ATP8A2: variants seen among roughly 807,000 people sequenced by gnomAD.
ATP8A2 encodes the protein phospholipid-transporting ATPase IB.
ATP8A2 carries 100 observed loss-of-function variants against 165.6 expected under a neutral mutation model. The observed-to-expected ratio is 0.60, with a 90% CI of 0.51 to 0.71. The LOEUF (loss-of-function observed/expected upper bound fraction) is 0.71. ATP8A2 is among the 30% of genes least tolerant of loss of function. The pLI, the probability that ATP8A2 is intolerant of heterozygous loss-of-function variation, is 0.00. For synonymous variants in ATP8A2, 543 were observed against 548.8 expected, an observed-to-expected ratio of 0.99 and a Z score of 0.15; for missense variants, 1,227 against 1,479.5, an observed-to-expected ratio of 0.83 and a Z score of 2.80.
At chr13:25,817,833 A>G (rs1275732563) in intron 27 of ATP8A2, among the ~76,000 whole-genome samples, 2 of 151,966 alleles carry the variant, frequency 1.3e-5, no homozygotes, top group Admixed American at 1.3e-4. Flanking sequence ...ATGTGCCACC[A>G]TGTCCAGCTA....
At chr13:25,840,837 A>G (rs375476974) in intron 30 of ATP8A2, among the ~76,000 whole-genome samples, 4 of 152,372 alleles carry the variant, frequency 2.6e-5, no homozygotes, top group East Asian at 1.9e-4. Flanking sequence ...TCTGATGAGC[A>G]TAAGAGAAAT....
intron 30 of ATP8A2, among the ~76,000 whole-genome samples, chr13:25,859,636 TG>T (rs1952285831): frequency 6.6e-6 from 1 of 152,158 alleles, no homozygotes; most frequent in African/African-American, 2.4e-5. Context: ...CTTCTGTCAT[TG>T]GAGTGCTTGC....
intron 1 of ATP8A2, among the ~76,000 whole-genome samples, chr13:25,387,525 C>T (rs909885000): frequency 2.6e-5 from 4 of 152,030 alleles, no homozygotes; most frequent in Non-Finnish European, 5.9e-5. Flanking sequence ...AGCTTCACTG[C>T]CTTAGTGACC....
intron 1 of ATP8A2, among the ~76,000 whole-genome samples, chr13:25,407,999 C>T (rs2033855332): frequency 6.6e-6 from 1 of 152,068 alleles, no homozygotes; most frequent in Non-Finnish European, 1.5e-5. Flanking sequence ...TTGGTCAGTG[C>T]AGCAAACCAC....
chr13:25,648,435 G>A (rs767605651), intron 24 of ATP8A2, among the ~76,000 whole-genome samples: 14 of 152,130 alleles, frequency 9.2e-5, no homozygotes, highest in Non-Finnish European at 1.6e-4. Context: ...GGAGGTCGAG[G>A]CAGGTGGATC....
intron 33 of ATP8A2, among the ~76,000 whole-genome samples, chr13:25,902,853 C>T (rs554532948): frequency 6.6e-5 from 10 of 151,640 alleles, no homozygotes; most frequent in East Asian, 3.9e-4. Flanking sequence ...GTTTTCAGTA[C>T]GACATTTCCT....
rs536255264 is a variant in ATP8A2 at position 25,714,952 on chromosome 13, A to G, written c.2384+15607A>G. 5.9e-5 allele frequency among the ~76,000 whole-genome samples: 9 copies of G among 152,268 alleles called. No homozygotes were observed. The South Asian group carries it at 1.9e-3, about 32-fold the overall frequency. On this transcript the variant is annotated intron_variant, in intron 25 of 36. Coordinates refer to ENST00000381655, the MANE Select transcript of ATP8A2 (RefSeq NM_016529.6). ...GTACTGAGTGCAGGGTGCTCTTAAGATCTCTGCTTGGACACTAGAAATAGA... is the reference window on the plus strand; with the variant it reads ...GTACTGAGTGCAGGGTGCTCTTAAGGTCTCTGCTTGGACACTAGAAATAGA...
intron 2 of ATP8A2, among the ~76,000 whole-genome samples, chr13:25,479,367 G>A (rs1363396496): frequency 1.3e-5 from 2 of 152,130 alleles, no homozygotes; most frequent in African/African-American, 2.4e-5. Context: ...GTTTAACCTA[G>A]TAAAATGGTT....
Position 25,589,649 on chromosome 13 carries a change from T to C in ATP8A2, c.2161T>C (p.Leu721=), listed in dbSNP as rs751851673. Residue 721 remains leucine, a synonymous_variant, in exon 24 of 37, where the codon TTG becomes CTG. Coordinates refer to ENST00000381655, the MANE Select transcript of ATP8A2 (RefSeq NM_016529.6). ...TAINIGYSCR[L]VSQNMALILL... ...CTCCACTTCAGGGTATTCCTGCCGA[T>C]TGGTATCGCAGAATATGGCCCTTAT... 9.9e-6 allele frequency: 16 copies of C among 1,611,802 alleles called. No individual in the cohort carries two copies. Among genetic ancestry groups the C allele is most frequent in the Non-Finnish European group, 1.4e-5 (16 of 1,178,204 alleles).
At chr13:25,508,699 T>A (rs955812453) in intron 2 of ATP8A2, among the ~76,000 whole-genome samples, 1 of 152,246 alleles carries the variant, frequency 6.6e-6, no homozygotes, top group Non-Finnish European at 1.5e-5. Flanking sequence ...AAAATAACCA[T>A]GTGTAAATCA....
At position 25,415,909 on chromosome 13, in the gene ATP8A2, G is replaced by A. The variant is rs528648663; in HGVS notation, c.76+43621G>A. Among the ~76,000 whole-genome samples the A allele has an allele frequency of 2.0e-5, 3 of 152,138 alleles. No homozygotes were observed. The South Asian group carries it at 6.2e-4, about 32-fold the overall frequency. ...TAGAGGCCAATTGTAGCTCCCTGCA[G>A]CCTCAAACTCCTGGGCTCAAGGGAT... On this transcript the variant is annotated intron_variant, in intron 1 of 36. Transcript: ENST00000381655.
intron 1 of ATP8A2, among the ~76,000 whole-genome samples, chr13:25,431,758 T>G (rs1255906444): frequency 2.0e-5 from 3 of 152,242 alleles, no homozygotes; most frequent in Non-Finnish European, 4.4e-5. Context: ...TTTTTTTGTT[T>G]CCTGAGCTAT....
chr13:25,952,582 T>C (rs1010695206), intron 33 of ATP8A2, among the ~76,000 whole-genome samples: 1 of 152,142 alleles, frequency 6.6e-6, no homozygotes, highest in Non-Finnish European at 1.5e-5. Context: ...CACGATGTCC[T>C]GGCTGATCTC....
At chr13:25,737,902 T>C (rs908602838) in intron 25 of ATP8A2, among the ~76,000 whole-genome samples, 4 of 152,156 alleles carry the variant, frequency 2.6e-5, no homozygotes, top group Admixed American at 2.0e-4. Context: ...GCCAGGATGG[T>C]CTCGATCTCC....
At chr13:25,652,756 T>C (rs2041842312) in intron 24 of ATP8A2, among the ~76,000 whole-genome samples, 1 of 152,200 alleles carries the variant, frequency 6.6e-6, no homozygotes, top group Non-Finnish European at 1.5e-5. Context: ...TTTCTTTCAG[T>C]AGAGTTTTTA....
intron 25 of ATP8A2, among the ~76,000 whole-genome samples, chr13:25,708,067 A>G (rs2043089382): frequency 6.6e-6 from 1 of 152,050 alleles, no homozygotes. Context: ...TTTTTCATGA[A>G]TGATTACTTC....
intron 24 of ATP8A2, among the ~76,000 whole-genome samples, chr13:25,674,133 A>C (rs1400162275): frequency 6.6e-6 from 1 of 152,144 alleles, no homozygotes; most frequent in Non-Finnish European, 1.5e-5. Flanking sequence ...CAACCATTCA[A>C]GGTTGTCTGG....
intron 33 of ATP8A2, among the ~76,000 whole-genome samples, chr13:25,904,487 G>T (rs1953868138): frequency 6.6e-6 from 1 of 152,164 alleles, no homozygotes; most frequent in Admixed American, 6.5e-5. Context: ...CTCGTGTCCT[G>T]CCCCTCACCA....
intron 1 of ATP8A2, among the ~76,000 whole-genome samples, chr13:25,457,866 A>C (rs2035405041): frequency 6.6e-6 from 1 of 152,250 alleles, no homozygotes; most frequent in African/African-American, 2.4e-5. Context: ...CTACTGGGGA[A>C]GTCTATTTTG....
Sources: gnomAD v4.1 joint callset for allele counts (sites outside exome capture counted in the v4.1 genomes callset) on GRCh38, gnomAD v4.1.1 for gene constraint, MANE v1.5 for transcripts, NCBI Gene and HGNC (gene_info 2026-07-23, HGNC 2026-07-21) for gene names.